The following TAS2R1 variants were observed in gnomAD, a reference collection of about 807,000 sequenced individuals.
TAS2R1 encodes taste 2 receptor member 1.
For synonymous variants in TAS2R1, 141 were observed against 134.2 expected (o/e 1.05, Z -0.35); for missense variants, 370 against 353.4 (o/e 1.05, Z -0.38).
At chr5:9,850,648 C>T in the TAS2R1 span, among the ~76,000 whole-genome samples, 2 of 152,234 alleles carry the variant, frequency 1.3e-5, no homozygotes, top group African/African-American at 4.8e-5. Flanking sequence ...AGCTCTTCCA[C>T]ATTGGCAAAT....
the TAS2R1 span, among the ~76,000 whole-genome samples, chr5:9,868,998 T>C: frequency 6.6e-6 from 1 of 152,204 alleles, no homozygotes; most frequent in South Asian, 2.1e-4. Context: ...GTCAAAGCCA[T>C]TCAATAAGTC....
upstream of TAS2R1, among the ~76,000 whole-genome samples, chr5:9,633,101 G>A (rs372070175): frequency 2.7e-4 from 41 of 151,412 alleles, no homozygotes; most frequent in East Asian, 2.7e-3. Flanking sequence ...TTGTATTGGC[G>A]GGCATGAAAA....
At chr5:9,749,187 G>A in the TAS2R1 span, among the ~76,000 whole-genome samples, 1 of 152,098 alleles carries the variant, frequency 6.6e-6, no homozygotes, top group African/African-American at 2.4e-5. Context: ...GAACATAGGG[G>A]AAGAACTCAC....
At chr5:9,825,667 A>C in the TAS2R1 span, among the ~76,000 whole-genome samples, 1 of 152,242 alleles carries the variant, frequency 6.6e-6, no homozygotes, top group Non-Finnish European at 1.5e-5. Context: ...TTGCTGCCTC[A>C]AATAAAGTCA....
At chr5:9,737,464 G>A in the TAS2R1 span, among the ~76,000 whole-genome samples, 1 of 152,168 alleles carries the variant, frequency 6.6e-6, no homozygotes, top group African/African-American at 2.4e-5. Flanking sequence ...TGCATGCTGA[G>A]TGCTTTGACA....
the TAS2R1 span, among the ~76,000 whole-genome samples, chr5:9,728,057 G>T: frequency 6.6e-6 from 1 of 152,112 alleles, no homozygotes; most frequent in African/African-American, 2.4e-5. Flanking sequence ...ACTCTGAAGG[G>T]ACAACTAAGT....
At chr5:9,810,587 G>A in the TAS2R1 span, among the ~76,000 whole-genome samples, 7 of 152,274 alleles carry the variant, frequency 4.6e-5, no homozygotes, top group Non-Finnish European at 1.0e-4. Context: ...TATAAAGAAG[G>A]TTTGAGATAA....
chr5:9,649,192 G>A (rs1424540194), intron 2 of TAS2R1, among the ~76,000 whole-genome samples: 1 of 152,128 alleles, frequency 6.6e-6, no homozygotes, highest in Non-Finnish European at 1.5e-5. Context: ...ACAAAACCGG[G>A]AAGCTACCAA....
chr5:9,627,874 C>G lies in TAS2R1; in HGVS notation c.*1259G>C, dbSNP rs975200731. ...CCCATGCCCAAGAAGATAAGTACGTCCCTGAATCTCCTGAAGCAAAATCCT... is the reference window on the plus strand; with the variant it reads ...CCCATGCCCAAGAAGATAAGTACGTGCCTGAATCTCCTGAAGCAAAATCCT... On this transcript the variant is annotated 3_prime_UTR_variant, in exon 1 of 1. Transcript: ENST00000382492. Among the ~76,000 whole-genome samples, 2 of 152,062 alleles carry G rather than the reference C, an allele frequency of 1.3e-5. No individual in the cohort carries two copies. The highest frequency in any genetic ancestry group is 4.8e-5 in the African/African-American group (2 of 41,398).
chr5:9,780,703 G>A, the TAS2R1 span, among the ~76,000 whole-genome samples: 34 of 152,128 alleles, frequency 2.2e-4, no homozygotes, highest in Non-Finnish European at 2.5e-4. Flanking sequence ...GCGCGCGCGC[G>A]CATGCACGCA....
the TAS2R1 span, among the ~76,000 whole-genome samples, chr5:9,828,753 C>T: frequency 6.6e-6 from 1 of 152,138 alleles, no homozygotes; most frequent in Non-Finnish European, 1.5e-5. Flanking sequence ...GAATTCCAGA[C>T]CATTGTAAAC....
the TAS2R1 span, among the ~76,000 whole-genome samples, chr5:9,782,522 A>T: frequency 9.2e-5 from 14 of 152,278 alleles, no homozygotes; most frequent in East Asian, 2.5e-3. Context: ...AACTGGTCTG[A>T]ACATTTGTGC....
At chr5:9,892,317 C>T in the TAS2R1 span, among the ~76,000 whole-genome samples, 1 of 152,202 alleles carries the variant, frequency 6.6e-6, no homozygotes, top group South Asian at 2.1e-4. Context: ...TCTTCCCATG[C>T]CATAGCCTAA....
At chr5:9,787,686 A>G in the TAS2R1 span, among the ~76,000 whole-genome samples, 1 of 152,200 alleles carries the variant, frequency 6.6e-6, no homozygotes, top group Admixed American at 6.5e-5. Flanking sequence ...CTGCGTGCTA[A>G]GCAACCATGG....
the TAS2R1 span, among the ~76,000 whole-genome samples, chr5:9,861,037 G>GTTTTTTTTTTT: frequency 0.27 from 23,379 of 85,460 alleles, 4,220 homozygotes; most frequent in Non-Finnish European, 0.37. Context: ...GGAAGATGAG[G>GTTTTTTTTTTT]TTTTTTTTTT....
chr5:9,800,310 A>G, the TAS2R1 span, among the ~76,000 whole-genome samples: 1 of 152,230 alleles, frequency 6.6e-6, no homozygotes, highest in South Asian at 2.1e-4. Context: ...TTGGGTTCAT[A>G]TCTCTGGGAA....
At chr5:9,851,519 T>TG in the TAS2R1 span, among the ~76,000 whole-genome samples, 29 of 29,888 alleles carry the variant, frequency 9.7e-4, no homozygotes, top group Admixed American at 3.7e-3. Context: ...CTGGGATTTG[T>TG]TTTTTTTTTT....
chr5:9,727,925 G>T, the TAS2R1 span, among the ~76,000 whole-genome samples: 1 of 152,198 alleles, frequency 6.6e-6, no homozygotes, highest in Non-Finnish European at 1.5e-5. Flanking sequence ...GGGGTAGAAT[G>T]CATCTTGGGT....
chr5:9,893,969 G>A, the TAS2R1 span, among the ~76,000 whole-genome samples: 6 of 152,138 alleles, frequency 3.9e-5, no homozygotes, highest in East Asian at 3.9e-4. Context: ...TTGACCCTAC[G>A]AAAGTTCATC....
Sources: allele counts gnomAD v4.1 joint callset (sites outside exome capture counted in the v4.1 genomes callset), GRCh38; gene constraint gnomAD v4.1.1; transcripts MANE v1.5; gene names NCBI Gene and HGNC (gene_info 2026-07-23, HGNC 2026-07-21).